Variants in AFG2A observed in about 807,000 individuals in gnomAD.
AFG2A encodes AAA ATPase AFG2A, also known as ATPase family gene 2 protein homolog A.
chr4:122,949,045 G>GT, the AFG2A span, among the ~76,000 whole-genome samples: 1 of 152,214 alleles, frequency 6.6e-6, no homozygotes, highest in Non-Finnish European at 1.5e-5. Flanking sequence ...TGGTTATAGG[G>GT]TTTTAAGACT....
chr4:123,003,691 C>T, the AFG2A span, among the ~76,000 whole-genome samples: 6 of 151,520 alleles, frequency 4.0e-5, no homozygotes, highest in South Asian at 6.3e-4. Context: ...AGTACCCGGC[C>T]GTGTGAGGTG....
chr4:123,090,251 CATTG>C, the AFG2A span, among the ~76,000 whole-genome samples: 1 of 152,136 alleles, frequency 6.6e-6, no homozygotes, highest in Non-Finnish European at 1.5e-5. Context: ...AGAATATAAA[CATTG>C]ATTGAACAAT....
the AFG2A span, among the ~76,000 whole-genome samples, chr4:123,085,872 T>G: frequency 6.6e-6 from 1 of 152,100 alleles, no homozygotes; most frequent in Non-Finnish European, 1.5e-5. Flanking sequence ...TTTTTTTGTT[T>G]GTTTGTTTTT....
At chr4:123,268,849 A>C in the AFG2A span, among the ~76,000 whole-genome samples, 1 of 152,248 alleles carries the variant, frequency 6.6e-6, no homozygotes, top group African/African-American at 2.4e-5. Flanking sequence ...GAGAATTCCC[A>C]GAGCAATAAA....
the AFG2A span, among the ~76,000 whole-genome samples, chr4:123,017,189 AAGGGAG>A: frequency 3.7e-5 from 2 of 54,560 alleles, no homozygotes; most frequent in African/African-American, 1.6e-4. Context: ...GGGAGAGGGA[AAGGGAG>A]AGGGAGAGGG....
At chr4:123,296,328 C>T in the AFG2A span, among the ~76,000 whole-genome samples, 1 of 152,256 alleles carries the variant, frequency 6.6e-6, no homozygotes, top group Admixed American at 6.5e-5. Context: ...ATATATAATT[C>T]TGTTTCTTGA....
chr4:123,045,840 A>G, the AFG2A span, among the ~76,000 whole-genome samples: 1 of 152,158 alleles, frequency 6.6e-6, no homozygotes, highest in Non-Finnish European at 1.5e-5. Context: ...TCATGCCTGT[A>G]ATCCCAGCAC....
At chr4:123,244,266 C>G in the AFG2A span, among the ~76,000 whole-genome samples, 1 of 152,060 alleles carries the variant, frequency 6.6e-6, no homozygotes, top group Non-Finnish European at 1.5e-5. Flanking sequence ...CTGCTGCACT[C>G]TGGTGGGACT....
chr4:123,062,241 T>G, the AFG2A span, among the ~76,000 whole-genome samples: 1 of 152,210 alleles, frequency 6.6e-6, no homozygotes, highest in African/African-American at 2.4e-5. Context: ...GTTTACATAC[T>G]GAGAAATTCA....
the AFG2A span, among the ~76,000 whole-genome samples, chr4:123,152,974 T>C: frequency 6.6e-6 from 1 of 152,276 alleles, no homozygotes; most frequent in Non-Finnish European, 1.5e-5. Flanking sequence ...GTGTCTTGAA[T>C]GCTTATGTTA....
the AFG2A span, among the ~76,000 whole-genome samples, chr4:123,133,002 G>A: frequency 5.9e-5 from 9 of 152,026 alleles, no homozygotes; most frequent in African/African-American, 2.4e-5. Context: ...GGATGGTCTC[G>A]ATCTCCTGAC....
At chr4:123,193,075 G>A in the AFG2A span, among the ~76,000 whole-genome samples, 1 of 152,148 alleles carries the variant, frequency 6.6e-6, no homozygotes, top group Admixed American at 6.5e-5. Flanking sequence ...AACTCCTTGT[G>A]TATCTGAGAG....
At chr4:123,107,976 C>G in the AFG2A span, among the ~76,000 whole-genome samples, 1 of 152,190 alleles carries the variant, frequency 6.6e-6, no homozygotes, top group Non-Finnish European at 1.5e-5. Flanking sequence ...CCCAGGCCCC[C>G]AAGAACACAA....
At chr4:123,117,581 A>G in the AFG2A span, among the ~76,000 whole-genome samples, 2 of 151,548 alleles carry the variant, frequency 1.3e-5, no homozygotes, top group African/African-American at 4.9e-5. Context: ...AAATGATCTT[A>G]TTCCCACTCT....
chr4:123,130,471 C>G, the AFG2A span, among the ~76,000 whole-genome samples: 1 of 152,230 alleles, frequency 6.6e-6, no homozygotes. Context: ...ACTGATCTGT[C>G]CTGTAGTTTT....
chr4:122,978,123 G>T, the AFG2A span, among the ~76,000 whole-genome samples: 1 of 151,960 alleles, frequency 6.6e-6, no homozygotes, highest in Non-Finnish European at 1.5e-5. Flanking sequence ...CTAGTGTCCA[G>T]TTCTCAGCGG....
chr4:123,292,454 C>A, the AFG2A span, among the ~76,000 whole-genome samples: 1 of 152,172 alleles, frequency 6.6e-6, no homozygotes, highest in African/African-American at 2.4e-5. Context: ...TTTTATATTG[C>A]AGAATTATTT....
chr4:122,938,340 G>C, the AFG2A span: 542 of 1,288,890 alleles, frequency 4.2e-4, 4 homozygotes, highest in African/African-American at 7.9e-3. Context: ...CAGAGTCTTT[G>C]GATATTTTAG....
the AFG2A span, among the ~76,000 whole-genome samples, chr4:123,255,679 G>A: frequency 6.8e-6 from 1 of 145,990 alleles, no homozygotes; most frequent in South Asian, 2.2e-4. Flanking sequence ...CCTGATAATT[G>A]CTGAGAAGGG....
Sources: allele counts gnomAD v4.1 joint callset (sites outside exome capture counted in the v4.1 genomes callset), GRCh38; gene constraint gnomAD v4.1.1; transcripts MANE v1.5; gene names NCBI Gene and HGNC (gene_info 2026-07-23, HGNC 2026-07-21).